The following NR2F1-AS1 variants were observed in gnomAD, a reference collection of about 807,000 sequenced individuals.
NR2F1-AS1 encodes NR2F1 regulatory antisense RNA 1, also known as NR2F1 antisense RNA 1.
intron 4 of NR2F1-AS1, among the ~76,000 whole-genome samples, chr5:93,507,312 T>C (rs1372683167): frequency 4.7e-5 from 7 of 150,062 alleles, no homozygotes; most frequent in Admixed American, 2.0e-4. Context: ...CTAACCAGTT[T>C]TTTGGGATTT....
intron 4 of NR2F1-AS1, among the ~76,000 whole-genome samples, chr5:93,445,342 C>A (rs1017852893): frequency 6.6e-6 from 1 of 152,060 alleles, no homozygotes; most frequent in Non-Finnish European, 1.5e-5. Flanking sequence ...CAAATAGACA[C>A]AATAAAAAAT....
At chr5:93,491,999 T>C (rs915863307) in intron 4 of NR2F1-AS1, among the ~76,000 whole-genome samples, 2 of 152,210 alleles carry the variant, frequency 1.3e-5, no homozygotes, top group Admixed American at 1.3e-4. Flanking sequence ...ATCCTATTGG[T>C]TCTGTTTCTC....
rs372856763 is a variant in NR2F1-AS1 at position 93,488,811 on chromosome 5, C to A, written n.638+64950G>T. On this transcript the variant is annotated intron_variant and non_coding_transcript_variant, in intron 4 of 5. Transcript: ENST00000660523. ...GACACATGCACACATATGTTTATTG[C>A]AGCATTGTTCACAATAGCAAAGACT... 2.0e-4 allele frequency among the ~76,000 whole-genome samples: 30 copies of A among 152,266 alleles called. No homozygotes were observed. The South Asian group carries it at 2.7e-3, about 14-fold the overall frequency.
intron 1 of NR2F1-AS1, among the ~76,000 whole-genome samples, chr5:93,577,901 G>C (rs980871601): frequency 6.6e-6 from 1 of 152,156 alleles, no homozygotes; most frequent in Non-Finnish European, 1.5e-5. Flanking sequence ...TAGGGAAGAG[G>C]TATAAAAGAG....
At chr5:93,450,665 T>C (rs1024814120) in intron 4 of NR2F1-AS1, among the ~76,000 whole-genome samples, 2 of 152,030 alleles carry the variant, frequency 1.3e-5, no homozygotes, top group East Asian at 1.9e-4. Flanking sequence ...AGAAAGTGGT[T>C]AGGGGTGGTA....
intron 4 of NR2F1-AS1, among the ~76,000 whole-genome samples, chr5:93,424,332 A>G (rs532401904): frequency 1.3e-5 from 2 of 150,950 alleles, no homozygotes; most frequent in African/African-American, 4.8e-5. Context: ...TAATTTTATA[A>G]TTTATATCAA....
At chr5:93,550,677 C>T (rs184414131) in intron 4 of NR2F1-AS1, among the ~76,000 whole-genome samples, 16 of 152,120 alleles carry the variant, frequency 1.1e-4, no homozygotes, top group Admixed American at 3.3e-4. Context: ...CCCTGAAATC[C>T]GAAGGCAGGA....
intron 4 of NR2F1-AS1, among the ~76,000 whole-genome samples, chr5:93,500,721 T>A (rs1580280496): frequency 6.6e-6 from 1 of 152,136 alleles, no homozygotes; most frequent in East Asian, 1.9e-4. Context: ...CACTACAACC[T>A]CTGCCTCCCA....
At chr5:93,583,028 A>G (rs1317618960), upstream of NR2F1-AS1, among the ~76,000 whole-genome samples, 2 of 151,900 alleles carry the variant, frequency 1.3e-5, no homozygotes, top group African/African-American at 2.4e-5. Context: ...GGCTAACCTT[A>G]GCCTCCCATT....
At chr5:93,581,861 TCTCTCTC>T (rs1297056774), upstream of NR2F1-AS1, among the ~76,000 whole-genome samples, 275 of 57,100 alleles carry the variant, frequency 4.8e-3, 14 homozygotes, top group East Asian at 0.038. Flanking sequence ...CTCCTCTCTC[TCTCTCTC>T]CTCTCTCCTC....
At chr5:93,583,184 G>A (rs1383270732), upstream of NR2F1-AS1, 1 of 152,278 alleles carries the variant, frequency 6.6e-6, no homozygotes, top group East Asian at 1.9e-4. Context: ...TAGTGTCAAA[G>A]TTCACTATAT....
chr5:93,470,106 T>C (rs978125555), intron 4 of NR2F1-AS1, among the ~76,000 whole-genome samples: 9 of 152,036 alleles, frequency 5.9e-5, no homozygotes, highest in East Asian at 1.9e-4. Context: ...TCTAGAACAA[T>C]AGTAATAGCA....
chr5:93,466,923 C>T (rs1223058148), intron 4 of NR2F1-AS1, among the ~76,000 whole-genome samples: 2 of 93,806 alleles, frequency 2.1e-5, no homozygotes, highest in African/African-American at 7.4e-5. Context: ...GGGGGGTGGA[C>T]GGAGTCTCAC....
intron 4 of NR2F1-AS1, among the ~76,000 whole-genome samples, chr5:93,532,926 A>C (rs766646118): frequency 7.9e-5 from 12 of 152,216 alleles, no homozygotes; most frequent in Non-Finnish European, 1.3e-4. Flanking sequence ...AAAAAGCATA[A>C]ATTTTTAAAC....
chr5:93,548,286 CA>C (rs914971839), intron 4 of NR2F1-AS1, among the ~76,000 whole-genome samples: 13 of 150,902 alleles, frequency 8.6e-5, no homozygotes, highest in East Asian at 1.9e-4. Context: ...TTTATGTGGT[CA>C]AAAAAAAATA....
At chr5:93,461,697 T>G (rs1448362025) in intron 4 of NR2F1-AS1, among the ~76,000 whole-genome samples, 1 of 152,220 alleles carries the variant, frequency 6.6e-6, no homozygotes, top group Non-Finnish European at 1.5e-5. Flanking sequence ...TTATTTATTT[T>G]TTAGATTAAT....
At chr5:93,466,916 G>GGT (rs1554065138) in intron 4 of NR2F1-AS1, among the ~76,000 whole-genome samples, 2 of 123,102 alleles carry the variant, frequency 1.6e-5, no homozygotes, top group African/African-American at 2.8e-5. Flanking sequence ...GGGGGGGGGG[G>GGT]GGTGGACGGA....
At chr5:93,455,211 T>C (rs1162753811) in intron 4 of NR2F1-AS1, among the ~76,000 whole-genome samples, 2 of 152,268 alleles carry the variant, frequency 1.3e-5, no homozygotes, top group Admixed American at 6.5e-5. Context: ...CTGTTAAATA[T>C]ATGAGAGGAG....
chr5:93,414,248 T>G (rs1356593336), intron 4 of NR2F1-AS1, among the ~76,000 whole-genome samples: 1 of 152,168 alleles, frequency 6.6e-6, no homozygotes, highest in Non-Finnish European at 1.5e-5. Context: ...TGAAACAATG[T>G]TTTTGTTAGC....
Sources: gnomAD v4.1 joint callset for allele counts (sites outside exome capture counted in the v4.1 genomes callset) on GRCh38, gnomAD v4.1.1 for gene constraint, MANE v1.5 for transcripts, NCBI Gene and HGNC (gene_info 2026-07-23, HGNC 2026-07-21) for gene names.